Variants in ACAD11 observed in about 807,000 individuals in gnomAD.
ACAD11 encodes the protein acyl-CoA dehydrogenase family member 11, also known as acyl-Coenzyme A dehydrogenase family, member 11.
Under a neutral mutation model 102.2 loss-of-function variants are expected in ACAD11, and 83 were observed. The observed-to-expected ratio is 0.81, with a 90% CI of 0.68 to 0.97. The LOEUF (loss-of-function observed/expected upper bound fraction) is 0.97, where lower values mean the gene tolerates loss of function less well. Ranked by LOEUF, ACAD11 falls within the 50% of genes least tolerant of loss-of-function variation. The pLI, the probability that ACAD11 is intolerant of heterozygous loss-of-function variation, is 0.00. For synonymous variants in ACAD11, 324 were observed against 319.8 expected, an observed-to-expected ratio of 1.01 and a Z score of -0.14; for missense variants, 901 against 951.7, an observed-to-expected ratio of 0.95 and a Z score of 0.70.
chr3:132,569,233 G>A (rs138486701), intron 17 of ACAD11, among the ~76,000 whole-genome samples: 93 of 152,192 alleles, frequency 6.1e-4, no homozygotes, highest in African/African-American at 2.2e-3. Context: ...ATGAAAAGAT[G>A]CTCAACATGA....
chr3:132,629,956 TA>T (rs1296071551), intron 7 of ACAD11, among the ~76,000 whole-genome samples: 1 of 151,930 alleles, frequency 6.6e-6, no homozygotes, highest in African/African-American at 2.4e-5. Flanking sequence ...ACGATGAAAA[TA>T]AAAAAATCTT....
chr3:132,581,886 T>C (rs1304531698), intron 13 of ACAD11, among the ~76,000 whole-genome samples: 1 of 152,030 alleles, frequency 6.6e-6, no homozygotes, highest in African/African-American at 2.4e-5. Context: ...ATAAGTGCTA[T>C]GTATTGGTTT....
chr3:132,608,747 A>C (rs1938973239), intron 11 of ACAD11, among the ~76,000 whole-genome samples: 2 of 152,196 alleles, frequency 1.3e-5, no homozygotes, highest in African/African-American at 4.8e-5. Flanking sequence ...ACAGAAAATT[A>C]ACAAGGATAT....
At chr3:132,569,833 G>C (rs1937326974) in intron 17 of ACAD11, among the ~76,000 whole-genome samples, 1 of 152,130 alleles carries the variant, frequency 6.6e-6, no homozygotes, top group Non-Finnish European at 1.5e-5. Flanking sequence ...AGTAAATGTG[G>C]CTATAAAAGG....
intron 4 of ACAD11, among the ~76,000 whole-genome samples, chr3:132,640,734 A>G (rs1193570228): frequency 1.3e-5 from 2 of 152,102 alleles, no homozygotes; most frequent in Non-Finnish European, 2.9e-5. Flanking sequence ...TAATACCTAT[A>G]TCTTAGAGTT....
intron 2 of ACAD11, 106 bp from the exon 3 acceptor site, chr3:132,642,908 A>G: frequency 9.0e-7 from 1 of 1,115,916 alleles, no homozygotes; most frequent in Non-Finnish European, 1.3e-6. Flanking sequence ...CAACTGTAAA[A>G]CAGTATCAAC....
chr3:132,630,761 T>C (rs1196267808), intron 6 of ACAD11, among the ~76,000 whole-genome samples: 1 of 152,172 alleles, frequency 6.6e-6, no homozygotes, highest in Non-Finnish European at 1.5e-5. Context: ...AGTGGCATGC[T>C]AAGTTCAGAA....
At chr3:132,611,866 A>G (rs1440547136) in intron 11 of ACAD11, among the ~76,000 whole-genome samples, 2 of 152,054 alleles carry the variant, frequency 1.3e-5, no homozygotes, top group East Asian at 1.9e-4. Flanking sequence ...CAGAATTGGA[A>G]AAAACTACTT....
At chr3:132,655,312 G>T (rs562504191) in intron 1 of ACAD11, among the ~76,000 whole-genome samples, 56 of 152,058 alleles carry the variant, frequency 3.7e-4, no homozygotes, top group African/African-American at 7.0e-4. Context: ...TGTTTTTTTT[G>T]TTGTTGTTGT....
intron 17 of ACAD11, among the ~76,000 whole-genome samples, chr3:132,571,203 G>A (rs1413707103): frequency 2.0e-5 from 3 of 152,030 alleles, no homozygotes; most frequent in Non-Finnish European, 4.4e-5. Flanking sequence ...ACTAGTGTTA[G>A]ATAGTATCTC....
intron 5 of ACAD11, among the ~76,000 whole-genome samples, chr3:132,634,917 G>GT: frequency 7.5e-6 from 1 of 132,460 alleles, no homozygotes; most frequent in Admixed American, 7.5e-5. Context: ...GGGTGGGGGG[G>GT]TGGGGAGGGA....
chr3:132,582,779 G>C (rs772986600), intron 13 of ACAD11, among the ~76,000 whole-genome samples: 2 of 152,064 alleles, frequency 1.3e-5, no homozygotes, highest in Non-Finnish European at 2.9e-5. Flanking sequence ...TCACCTCCAG[G>C]CTGGTGGTAG....
At chr3:132,633,555 C>A (rs1282995426) in intron 5 of ACAD11, among the ~76,000 whole-genome samples, 1 of 152,072 alleles carries the variant, frequency 6.6e-6, no homozygotes, top group Non-Finnish European at 1.5e-5. Context: ...TGTGTCTCTG[C>A]CAGGCTTTGG....
At chr3:132,634,545 C>G (rs1239708044) in intron 5 of ACAD11, among the ~76,000 whole-genome samples, 7 of 151,940 alleles carry the variant, frequency 4.6e-5, no homozygotes, top group Non-Finnish European at 2.9e-5. Flanking sequence ...ACCCAGCCAT[C>G]CCATTACTGG....
intron 2 of ACAD11, among the ~76,000 whole-genome samples, chr3:132,643,086 T>C (rs1940586561): frequency 6.6e-6 from 1 of 152,248 alleles, no homozygotes; most frequent in African/African-American, 2.4e-5. Context: ...CAATAGTTAC[T>C]GTTCACAATA....
intron 7 of ACAD11, 30 bp from the exon 8 acceptor site, chr3:132,628,476 C>T (rs781235733): frequency 5.8e-5 from 85 of 1,458,154 alleles, no homozygotes; most frequent in Non-Finnish European, 7.5e-5. Flanking sequence ...AATTAAAATT[C>T]ATTGAAAACC....
intron 1 of ACAD11, among the ~76,000 whole-genome samples, chr3:132,651,763 C>T (rs1017114035): frequency 6.6e-6 from 1 of 152,148 alleles, no homozygotes; most frequent in African/African-American, 2.4e-5. Context: ...TAAGACTGTC[C>T]CACTGGATTT....
Position 132,576,996 on chromosome 3 carries a change from A to G in ACAD11, c.1794T>C (p.His598=). The G allele has an allele frequency of 6.2e-7, 1 of 1,606,962 alleles. No individual in the cohort carries two copies. Among genetic ancestry groups the G allele is most frequent in the Non-Finnish European group, 8.5e-7 (1 of 1,174,552 alleles). ...FGYTDNFHGG[H]FEIHFNQVRV... The stretch of plus-strand genomic sequence containing the variant: ...GCACTTGATTAAAATGGATCTCAAA[A>G]TGTCCTCCATGAAAATTATCTATAA... The change falls in exon 16 of 20, where the codon CAT becomes CAC. Residue 598 remains histidine (H), a synonymous_variant. Transcript: ENST00000264990.
At chr3:132,652,275 A>G (rs932021864) in intron 1 of ACAD11, among the ~76,000 whole-genome samples, 1 of 152,168 alleles carries the variant, frequency 6.6e-6, no homozygotes, top group Admixed American at 6.5e-5. Context: ...GCCTGACTTC[A>G]TGTAAGACAT....
Sources: gnomAD v4.1 joint callset for allele counts (sites outside exome capture counted in the v4.1 genomes callset) on GRCh38, gnomAD v4.1.1 for gene constraint, MANE v1.5 for transcripts, NCBI Gene and HGNC (gene_info 2026-07-23, HGNC 2026-07-21) for gene names.